The following DLG2 variants were observed in gnomAD, a reference collection of about 807,000 sequenced individuals.
The protein encoded by DLG2 is disks large homolog 2.
In DLG2, 45 loss-of-function variants were observed where a neutral mutation model predicts 132.5. That is an observed-to-expected ratio of 0.34 (90% CI 0.27 to 0.44). The LOEUF is 0.44. Among genes scored for constraint, DLG2 ranks in the 20% least tolerant of loss-of-function variants. DLG2 has a pLI of 1.00. For missense variants in DLG2, 1,045 were observed against 1,196.9 expected, an observed-to-expected ratio of 0.87 and a Z score of 1.87; for synonymous variants, 424 against 419.6, an observed-to-expected ratio of 1.01 and a Z score of -0.13.
intron 6 of DLG2, among the ~76,000 whole-genome samples, chr11:84,658,935 A>C (rs2154547674): frequency 6.6e-6 from 1 of 152,322 alleles, no homozygotes; most frequent in South Asian, 2.1e-4. Flanking sequence ...GATTACATCA[A>C]GAAGATGGCC....
At chr11:85,301,482 G>A (rs988720654) in intron 3 of DLG2, among the ~76,000 whole-genome samples, 5 of 152,194 alleles carry the variant, frequency 3.3e-5, no homozygotes, top group African/African-American at 1.2e-4. Context: ...GCATGATCTG[G>A]AAGCAAAGCG....
At chr11:85,127,158 G>C (rs1216960052) in intron 5 of DLG2, among the ~76,000 whole-genome samples, 1 of 151,812 alleles carries the variant, frequency 6.6e-6, no homozygotes, top group African/African-American at 2.4e-5. Context: ...TCTATATCTT[G>C]TTACTCATAT....
chr11:85,387,461 T>G (rs900309082), intron 3 of DLG2, among the ~76,000 whole-genome samples: 1 of 152,220 alleles, frequency 6.6e-6, no homozygotes, highest in African/African-American at 2.4e-5. Flanking sequence ...TAGTGAGTTC[T>G]CAATTTAATT....
intron 4 of DLG2, among the ~76,000 whole-genome samples, chr11:85,268,221 T>C (rs2077331964): frequency 1.3e-5 from 2 of 152,186 alleles, no homozygotes; most frequent in Non-Finnish European, 2.9e-5. Flanking sequence ...AAAATCTACC[T>C]ACCATTCTAT....
rs193156433 is a variant in DLG2, at chr11:85,504,928, A to G, written c.40+93729T>C. Among the ~76,000 whole-genome samples the G allele has an allele frequency of 7.3e-3, 1,116 of 152,254 alleles. 13 individuals are homozygous for G. Among genetic ancestry groups the G allele is most frequent in the African/African-American group, 0.025 (1,041 of 41,540 alleles). ...AGTTCTCCTTGAAGAGATCCTTCAC[A>G]TCCCTTGTAAGTTGGATTCCTAGGT... is the stretch of plus-strand genomic sequence containing the variant. On this transcript the variant is annotated intron_variant, in intron 3 of 27. Transcript: ENST00000376104.
At chr11:84,121,730 T>A (rs1405390334) in intron 9 of DLG2, among the ~76,000 whole-genome samples, 1 of 149,926 alleles carries the variant, frequency 6.7e-6, no homozygotes, top group Non-Finnish European at 1.5e-5. Flanking sequence ...CCTGGCTAAT[T>A]TTTTGTATTT....
chr11:85,235,168 T>A (rs1401492730), intron 4 of DLG2, among the ~76,000 whole-genome samples: 3 of 152,048 alleles, frequency 2.0e-5, no homozygotes, highest in African/African-American at 4.8e-5. Context: ...GAGAACATTT[T>A]AAAATACTAT....
At chr11:85,472,927 C>A (rs1197364781) in intron 3 of DLG2, among the ~76,000 whole-genome samples, 2 of 152,234 alleles carry the variant, frequency 1.3e-5, no homozygotes, top group Non-Finnish European at 2.9e-5. Context: ...AGTTGCAACC[C>A]TTCTGGGAGC....
intron 20 of DLG2, among the ~76,000 whole-genome samples, chr11:83,535,954 C>A (rs1429459683): frequency 6.6e-6 from 1 of 152,172 alleles, no homozygotes; most frequent in Non-Finnish European, 1.5e-5. Context: ...AACATACATT[C>A]TCTGACAGCT....
At chr11:83,906,081 CTATA>C (rs773692866) in intron 15 of DLG2, among the ~76,000 whole-genome samples, 5,217 of 96,412 alleles carry the variant, frequency 0.054, 152 homozygotes, top group Middle Eastern at 0.14. Context: ...CTCTCTCTCT[CTATA>C]TATATATATA....
chr11:84,943,945 C>T (rs2049839736), intron 6 of DLG2, among the ~76,000 whole-genome samples: 1 of 151,868 alleles, frequency 6.6e-6, no homozygotes, highest in African/African-American at 2.4e-5. Context: ...TATGAAATCC[C>T]TCACCTTTTG....
intron 6 of DLG2, among the ~76,000 whole-genome samples, chr11:84,838,987 G>C (rs1179958620): frequency 6.6e-6 from 1 of 152,030 alleles, no homozygotes; most frequent in Middle Eastern, 3.2e-3. Flanking sequence ...TGGATGTTCT[G>C]GCCAGGGCAG....
intron 9 of DLG2, among the ~76,000 whole-genome samples, chr11:84,145,993 G>A (rs12801228): frequency 0.071 from 10,774 of 152,196 alleles, 526 homozygotes; most frequent in African/African-American, 0.14. Context: ...ATCTGACTCA[G>A]ATAGTTAACA....
At chr11:84,321,906 T>G (rs1317181341) in intron 7 of DLG2, among the ~76,000 whole-genome samples, 1 of 152,210 alleles carries the variant, frequency 6.6e-6, no homozygotes, top group Non-Finnish European at 1.5e-5. Flanking sequence ...AGATAGCTCA[T>G]GTCATCTTTC....
chr11:84,931,135 G>C (rs1039541948), intron 6 of DLG2, among the ~76,000 whole-genome samples: 2 of 151,828 alleles, frequency 1.3e-5, no homozygotes, highest in Non-Finnish European at 1.5e-5. Flanking sequence ...CTGACCTTAG[G>C]TTTCCCCACC....
intron 8 of DLG2, among the ~76,000 whole-genome samples, chr11:84,181,403 G>A (rs12799887): frequency 2.6e-5 from 4 of 151,574 alleles, no homozygotes; most frequent in African/African-American, 9.7e-5. Flanking sequence ...CATTTAAAAC[G>A]AAAAAAGGCA....
intron 8 of DLG2, among the ~76,000 whole-genome samples, chr11:84,170,164 T>C (rs1351509854): frequency 6.6e-6 from 1 of 152,006 alleles, no homozygotes; most frequent in Admixed American, 6.6e-5. Context: ...AAAAATTGAG[T>C]TGTGTTTAAA....
intron 7 of DLG2, among the ~76,000 whole-genome samples, chr11:84,532,792 G>C (rs2099346009): frequency 6.6e-6 from 1 of 152,128 alleles, no homozygotes; most frequent in South Asian, 2.1e-4. Context: ...CACTGTGCTT[G>C]ATCTATGGAG....
chr11:85,367,873 A>G (rs1244544737), intron 3 of DLG2, among the ~76,000 whole-genome samples: 1 of 152,162 alleles, frequency 6.6e-6, no homozygotes, highest in Non-Finnish European at 1.5e-5. Context: ...GCATTTATAG[A>G]ACAAATCTTT....
Sources: allele counts gnomAD v4.1 joint callset (sites outside exome capture counted in the v4.1 genomes callset), GRCh38; gene constraint gnomAD v4.1.1; transcripts MANE v1.5; gene names NCBI Gene and HGNC (gene_info 2026-07-23, HGNC 2026-07-21).